Variants in GREB1 observed in about 807,000 individuals in gnomAD.
GREB1 encodes growth regulating estrogen receptor binding 1.
A neutral mutation model predicts 200.7 loss-of-function variants in GREB1; 106 were observed. The observed-to-expected ratio is 0.53, with a 90% CI of 0.45 to 0.62. The LOEUF (loss-of-function observed/expected upper bound fraction) is 0.62. Among genes scored for constraint, GREB1 ranks in the 20% least tolerant of loss-of-function variants. GREB1 has a pLI of 0.00. For synonymous variants in GREB1, 1,132 were observed against 1,092.4 expected (o/e 1.04, Z -0.72); for missense variants, 2,243 against 2,556.8 (o/e 0.88, Z 2.65).
intron 14 of GREB1, 92 bp from the exon 15 acceptor site, chr2:11,598,588 G>T (rs1006970538): frequency 9.0e-7 from 1 of 1,108,788 alleles, no homozygotes; most frequent in Non-Finnish European, 1.3e-6. Flanking sequence ...CTCAGGACCT[G>T]CTGTGTAGGA....
chr2:11,638,551 C>A, intron 31 of GREB1, 120 bp from the exon 32 acceptor site: 1 of 733,074 alleles, frequency 1.4e-6, no homozygotes, highest in Non-Finnish European at 2.3e-6. Context: ...TTGTCTCTGG[C>A]CCCCCAAAAA....
At chr2:11,568,217 G>A (rs2147971668) in intron 4 of GREB1, among the ~76,000 whole-genome samples, 1 of 152,340 alleles carries the variant, frequency 6.6e-6, no homozygotes, top group Middle Eastern at 3.4e-3. Context: ...AAAGCTGGGA[G>A]GATAAACTCA....
intron 9 of GREB1, chr2:11,588,412 T>C (rs560437294): frequency 2.3e-5 from 12 of 532,046 alleles, no homozygotes; most frequent in South Asian, 1.6e-4. Flanking sequence ...AGGTGTCCCA[T>C]TGGTGGTGCT....
intron 1 of GREB1, among the ~76,000 whole-genome samples, chr2:11,513,032 A>G (rs1049569320): frequency 1.3e-5 from 2 of 152,172 alleles, no homozygotes; most frequent in African/African-American, 4.8e-5. Context: ...AGATTTTGAT[A>G]AAGATGAAAC....
Position 11,640,596 on chromosome 2 carries a change from T to C in GREB1, c.*142T>C. On this transcript the variant is annotated 3_prime_UTR_variant, in exon 33 of 33. Coordinates refer to ENST00000381486, the MANE Select transcript of GREB1 (RefSeq NM_014668.4). This position sits in a 1 kb window ranked among gnomAD's most constrained non-coding sequence, Gnocchi z 4.6. Reference sequence around the variant, plus strand: ...CAGGTGCAGCCCCTCCTAGTACACATGGGCCCCCGAGGCCGTGGTCCTGGG... The same window carrying C: ...CAGGTGCAGCCCCTCCTAGTACACACGGGCCCCCGAGGCCGTGGTCCTGGG... The C allele has an allele frequency of 1.1e-6, 1 of 917,302 alleles. No homozygotes were observed. Among genetic ancestry groups the C allele is most frequent in the Admixed American group, 2.6e-5 (1 of 38,324 alleles). The allele number at this position is 917,302 out of a possible 1,614,324, so 56.8% of individuals were successfully genotyped here.
intron 1 of GREB1, among the ~76,000 whole-genome samples, chr2:11,485,275 A>ATATT (rs1312218903): frequency 1.7e-4 from 23 of 133,770 alleles, no homozygotes; most frequent in African/African-American, 5.5e-4. Context: ...ATATATATGT[A>ATATT]TTTTTTTTTT....
chr2:11,515,776 A>G (rs1673478077), intron 1 of GREB1, among the ~76,000 whole-genome samples: 1 of 152,232 alleles, frequency 6.6e-6, no homozygotes, highest in African/African-American at 2.4e-5. Flanking sequence ...TCTGAGAGCA[A>G]AGGCTAAAAT....
At chr2:11,515,607 G>C (rs550874623) in intron 1 of GREB1, among the ~76,000 whole-genome samples, 2 of 152,176 alleles carry the variant, frequency 1.3e-5, no homozygotes, top group Admixed American at 1.3e-4. Context: ...CGGGGGGAGG[G>C]CAGGGGCACT....
chr2:11,501,056 C>A (rs1020502202), intron 1 of GREB1, among the ~76,000 whole-genome samples: 1 of 152,182 alleles, frequency 6.6e-6, no homozygotes, highest in South Asian at 2.1e-4. Flanking sequence ...GTGACAAGCT[C>A]TGTCTTTCCT....
At chr2:11,484,374 A>G (rs183836644) in intron 1 of GREB1, among the ~76,000 whole-genome samples, 62 of 152,278 alleles carry the variant, frequency 4.1e-4, no homozygotes, top group African/African-American at 1.2e-3. Context: ...TTGCAGTGTT[A>G]TCTGTGGCAT....
At chr2:11,497,824 G>T (rs888331433) in intron 1 of GREB1, among the ~76,000 whole-genome samples, 1 of 151,644 alleles carries the variant, frequency 6.6e-6, no homozygotes, top group Non-Finnish European at 1.5e-5. Context: ...CACTTCTTTT[G>T]CTTTGTTATA....
intron 1 of GREB1, among the ~76,000 whole-genome samples, chr2:11,555,480 A>G (rs1376086791): frequency 6.6e-6 from 1 of 152,262 alleles, no homozygotes. Flanking sequence ...ATGTGAATAC[A>G]ATCTCCCATC....
intron 17 of GREB1, among the ~76,000 whole-genome samples, chr2:11,605,958 G>A (rs1362280682): frequency 1.3e-5 from 2 of 152,184 alleles, no homozygotes; most frequent in Admixed American, 6.5e-5. Context: ...CTTTTCATGG[G>A]TAAACACCTA....
At chr2:11,587,773 G>C in intron 9 of GREB1, 5 of 1,112,002 alleles carry the variant, frequency 4.5e-6, no homozygotes, top group Non-Finnish European at 5.5e-6. Flanking sequence ...AGCCCCGAGA[G>C]GATTTGATAG....
chr2:11,614,126 T>C (rs544437509), intron 19 of GREB1, among the ~76,000 whole-genome samples: 39 of 27,722 alleles, frequency 1.4e-3, no homozygotes, highest in African/African-American at 8.4e-3. Flanking sequence ...CGGACTTAGA[T>C]TTTTTTTTTT....
At chr2:11,574,916 A>G (rs980891994) in intron 4 of GREB1, among the ~76,000 whole-genome samples, 2 of 152,230 alleles carry the variant, frequency 1.3e-5, no homozygotes, top group African/African-American at 4.8e-5. Context: ...AAGGTAAACT[A>G]TCCTGTAACT....
chr2:11,516,748 A>G (rs989143963), intron 1 of GREB1, among the ~76,000 whole-genome samples: 2 of 152,222 alleles, frequency 1.3e-5, no homozygotes, highest in Admixed American at 6.5e-5. Flanking sequence ...TCTAAGGGAA[A>G]GACCTGCACC....
intron 1 of GREB1, among the ~76,000 whole-genome samples, chr2:11,544,124 T>C (rs1270137419): frequency 6.6e-6 from 1 of 152,060 alleles, no homozygotes; most frequent in Non-Finnish European, 1.5e-5. Flanking sequence ...ACAGGTGGAG[T>C]GAAGGGACCT....
At chr2:11,566,075 G>A (rs1220289176) in intron 3 of GREB1, among the ~76,000 whole-genome samples, 10 of 152,024 alleles carry the variant, frequency 6.6e-5, no homozygotes, top group Non-Finnish European at 1.5e-4. Flanking sequence ...CTGGAGTGCA[G>A]GGGCACAATC....
Sources: allele counts gnomAD v4.1 joint callset (sites outside exome capture counted in the v4.1 genomes callset), GRCh38; gene constraint gnomAD v4.1.1; non-coding constraint Gnocchi (gnomAD v3.1); transcripts MANE v1.5; gene names NCBI Gene and HGNC (gene_info 2026-07-23, HGNC 2026-07-21).